MAGI2: variants seen among roughly 807,000 people sequenced by gnomAD.
The protein encoded by MAGI2 is membrane associated guanylate kinase, WW and PDZ domain containing 2, also known as membrane-associated guanylate kinase, WW and PDZ domain-containing protein 2.
Under a neutral mutation model 133.3 loss-of-function variants are expected in MAGI2, and 35 were observed. The observed-to-expected ratio is 0.26, with a 90% CI of 0.20 to 0.35. The LOEUF is 0.35. MAGI2 is among the 10% of genes least tolerant of loss of function. The pLI is 1.00. For synonymous variants in MAGI2, 729 were observed against 710.6 expected (o/e 1.03, Z -0.41); for missense variants, 1,636 against 1,863.4 (o/e 0.88, Z 2.25).
intron 1 of MAGI2, among the ~76,000 whole-genome samples, chr7:79,385,819 T>C (rs189649254): frequency 1.2e-4 from 19 of 152,102 alleles, no homozygotes; most frequent in Middle Eastern, 3.4e-3. Flanking sequence ...GGGATCTTTG[T>C]TAAATAAGTA....
At chr7:78,388,277 T>TCATCAC (rs1795584432) in intron 6 of MAGI2, among the ~76,000 whole-genome samples, 1 of 138,198 alleles carries the variant, frequency 7.2e-6, no homozygotes, top group African/African-American at 2.8e-5. Context: ...TCCACTGTTA[T>TCATCAC]CATCATCATC....
intron 2 of MAGI2, among the ~76,000 whole-genome samples, chr7:78,668,583 A>C (rs1192511869): frequency 1.3e-5 from 2 of 151,746 alleles, no homozygotes; most frequent in Non-Finnish European, 2.9e-5. Flanking sequence ...AGGTGTAAGG[A>C]AGGGATCCAG....
At chr7:78,124,028 G>A (rs1301383901) in intron 20 of MAGI2, among the ~76,000 whole-genome samples, 2 of 152,216 alleles carry the variant, frequency 1.3e-5, no homozygotes. Flanking sequence ...TGTATATCCA[G>A]CAGCGAGTCA....
At chr7:78,625,326 G>C (rs1808231285) in intron 3 of MAGI2, among the ~76,000 whole-genome samples, 1 of 151,552 alleles carries the variant, frequency 6.6e-6, no homozygotes, top group South Asian at 2.1e-4. Context: ...TTTAAGTATA[G>C]TAATTATAAA....
chr7:79,418,596 A>G (rs1366506620), intron 1 of MAGI2, among the ~76,000 whole-genome samples: 1 of 151,856 alleles, frequency 6.6e-6, no homozygotes, highest in Non-Finnish European at 1.5e-5. Flanking sequence ...AGAACACAGG[A>G]CTTTAGTTAC....
At chr7:78,988,066 C>T (rs1040332518) in intron 2 of MAGI2, among the ~76,000 whole-genome samples, 1 of 152,028 alleles carries the variant, frequency 6.6e-6, no homozygotes, top group South Asian at 2.1e-4. Context: ...TATAATCTGG[C>T]TTGTAAATTC....
intron 6 of MAGI2, among the ~76,000 whole-genome samples, chr7:78,440,554 T>C (rs1787513952): frequency 2.0e-5 from 3 of 152,148 alleles, no homozygotes; most frequent in African/African-American, 7.2e-5. Context: ...GCCTAGCTTC[T>C]TGGCTAGGAA....
chr7:78,620,210 T>A (rs139664706), intron 3 of MAGI2, among the ~76,000 whole-genome samples: 2 of 152,082 alleles, frequency 1.3e-5, no homozygotes, highest in African/African-American at 4.8e-5. Flanking sequence ...TTTGAACTGA[T>A]AGAAGAATGG....
intron 10 of MAGI2, among the ~76,000 whole-genome samples, chr7:78,219,295 C>G (rs1377851076): frequency 1.3e-5 from 2 of 152,180 alleles, no homozygotes; most frequent in Admixed American, 6.5e-5. Context: ...ACTTCTCTCT[C>G]AACGATTCCC....
intron 9 of MAGI2, among the ~76,000 whole-genome samples, chr7:78,299,093 C>T (rs967864453): frequency 6.6e-6 from 1 of 152,152 alleles, no homozygotes; most frequent in African/African-American, 2.4e-5. Context: ...GCTGGGATTA[C>T]AGGCGTGAGC....
intron 1 of MAGI2, among the ~76,000 whole-genome samples, chr7:79,208,116 T>A: frequency 6.6e-6 from 1 of 151,896 alleles, no homozygotes; most frequent in East Asian, 1.9e-4. Context: ...CTGCATGACA[T>A]TGGACTGGGC....
intron 1 of MAGI2, among the ~76,000 whole-genome samples, chr7:79,254,655 T>C (rs1833560577): frequency 6.6e-6 from 1 of 152,192 alleles, no homozygotes; most frequent in South Asian, 2.1e-4. Context: ...TATTAAATTT[T>C]CCTAAAATAT....
chr7:78,201,795 G>A (rs1829279074), intron 10 of MAGI2, among the ~76,000 whole-genome samples: 1 of 152,146 alleles, frequency 6.6e-6, no homozygotes, highest in South Asian at 2.1e-4. Context: ...AGCTCAAAAT[G>A]TTTGTTACTT....
intron 2 of MAGI2, among the ~76,000 whole-genome samples, chr7:78,970,726 C>T (rs1803715076): frequency 6.6e-6 from 1 of 152,060 alleles, no homozygotes; most frequent in South Asian, 2.1e-4. Context: ...TCTGCACTAT[C>T]ACAAAGTTGA....
intron 1 of MAGI2, among the ~76,000 whole-genome samples, chr7:79,121,233 TC>T (rs1819862868): frequency 6.6e-6 from 1 of 151,982 alleles, no homozygotes; most frequent in Non-Finnish European, 1.5e-5. Flanking sequence ...GAAAAACAGA[TC>T]CCTAACATGG....
chr7:79,140,675 C>A (rs1200170683), intron 1 of MAGI2, among the ~76,000 whole-genome samples: 1 of 152,012 alleles, frequency 6.6e-6, no homozygotes, highest in Non-Finnish European at 1.5e-5. Context: ...GATTATGAAC[C>A]ATAATCAATA....
rs557969129 is a variant in MAGI2 at position 78,349,427 on chromosome 7, C to T, written c.1104-3384G>A. ...TTGTTCGTCATATGCATAACTTTAT[C>T]CTTAGAAAATACATTACAAAAACTT... On this transcript the variant is annotated intron_variant, in intron 7 of 21. Transcript: ENST00000354212. Among the ~76,000 whole-genome samples, 13 of 152,270 alleles carry T rather than the reference C, an allele frequency of 8.5e-5. No homozygotes were observed. In the East Asian group the frequency reaches 2.1e-3, roughly 25 times the overall value.
At chr7:78,591,345 T>G (rs949329722) in intron 3 of MAGI2, among the ~76,000 whole-genome samples, 1 of 152,192 alleles carries the variant, frequency 6.6e-6, no homozygotes, top group Non-Finnish European at 1.5e-5. Context: ...GGGTTAGAGA[T>G]CTCATTAAAA....
chr7:79,039,139 G>T (rs1299247418), intron 1 of MAGI2, among the ~76,000 whole-genome samples: 1 of 152,032 alleles, frequency 6.6e-6, no homozygotes, highest in East Asian at 1.9e-4. Flanking sequence ...CCCCCATGCT[G>T]TTCTCGTGAT....
Sources: gnomAD v4.1 joint callset for allele counts (sites outside exome capture counted in the v4.1 genomes callset) on GRCh38, gnomAD v4.1.1 for gene constraint, MANE v1.5 for transcripts, NCBI Gene and HGNC (gene_info 2026-07-23, HGNC 2026-07-21) for gene names.